ATRNL1: variants seen among roughly 807,000 people sequenced by gnomAD.
ATRNL1 encodes the protein attractin-like protein 1.
ATRNL1 carries 95 observed loss-of-function variants against 182.7 expected under a neutral mutation model. The ratio of observed to expected loss-of-function variants is 0.52; its 90% CI spans 0.44 to 0.62. The LOEUF is 0.62. Ranked by LOEUF, ATRNL1 falls within the 20% of genes least tolerant of loss-of-function variation. The pLI, the probability that ATRNL1 is intolerant of heterozygous loss-of-function variation, is 0.00. For missense variants in ATRNL1, 1,471 were observed against 1,679.5 expected (o/e 0.88, Z 2.17); for synonymous variants, 576 against 568.3 (o/e 1.01, Z -0.19).
chr10:115,401,952 A>T (rs1844584384), intron 20 of ATRNL1, among the ~76,000 whole-genome samples: 1 of 152,198 alleles, frequency 6.6e-6, no homozygotes, highest in African/African-American at 2.4e-5. Flanking sequence ...AGTAGTACTC[A>T]TAATTTGGCA....
chr10:115,457,243 G>C (rs1554968907), intron 21 of ATRNL1, among the ~76,000 whole-genome samples: 1 of 152,026 alleles, frequency 6.6e-6, no homozygotes, highest in South Asian at 2.1e-4. Flanking sequence ...GCTGAGTCTG[G>C]GGTTTTTATG....
intron 26 of ATRNL1, among the ~76,000 whole-genome samples, chr10:115,602,997 C>T (rs367851083): frequency 2.0e-5 from 3 of 152,096 alleles, no homozygotes; most frequent in Admixed American, 1.3e-4. Context: ...AAATGAACAG[C>T]CAGATGAAGA....
chr10:115,565,670 G>A (rs1039894202), intron 26 of ATRNL1, among the ~76,000 whole-genome samples: 1 of 152,010 alleles, frequency 6.6e-6, no homozygotes, highest in Admixed American at 6.6e-5. Context: ...TGGTACAATA[G>A]CATCCAAATT....
chr10:115,736,387 G>A (rs1164156224), intron 27 of ATRNL1, among the ~76,000 whole-genome samples: 1 of 151,908 alleles, frequency 6.6e-6, no homozygotes, highest in Non-Finnish European at 1.5e-5. Flanking sequence ...ATTTATTAAA[G>A]TTCTATTTGG....
At chr10:115,101,779 A>T (rs1843778939) in intron 1 of ATRNL1, among the ~76,000 whole-genome samples, 1 of 152,130 alleles carries the variant, frequency 6.6e-6, no homozygotes, top group African/African-American at 2.4e-5. Flanking sequence ...TTATTTCTTC[A>T]TTAGTGTTTG....
At chr10:115,369,467 A>G (rs1276407731) in intron 19 of ATRNL1, among the ~76,000 whole-genome samples, 1 of 152,172 alleles carries the variant, frequency 6.6e-6, no homozygotes, top group Admixed American at 6.5e-5. Flanking sequence ...TGTAGTATTC[A>G]TCCATTGATG....
intron 27 of ATRNL1, among the ~76,000 whole-genome samples, chr10:115,730,503 C>G (rs974432441): frequency 1.3e-5 from 2 of 151,728 alleles, no homozygotes; most frequent in African/African-American, 4.8e-5. Context: ...TCAGTATTTT[C>G]TCCTTTCTCA....
At chr10:115,683,107 TGATA>T (rs1480298598) in intron 26 of ATRNL1, among the ~76,000 whole-genome samples, 6 of 152,242 alleles carry the variant, frequency 3.9e-5, no homozygotes, top group African/African-American at 1.4e-4. Context: ...TTGTATAAAT[TGATA>T]AAGTTTTTAA....
At chr10:115,237,374 G>C (rs1265691113) in intron 9 of ATRNL1, among the ~76,000 whole-genome samples, 4 of 152,166 alleles carry the variant, frequency 2.6e-5, no homozygotes, top group African/African-American at 9.7e-5. Flanking sequence ...GAGAGTTCCT[G>C]TTGCTCTAGA....
At chr10:115,410,364 T>C (rs2134336471) in intron 20 of ATRNL1, among the ~76,000 whole-genome samples, 1 of 151,996 alleles carries the variant, frequency 6.6e-6, no homozygotes. Flanking sequence ...GCTCTGTCAC[T>C]AGACTGGAGT....
At chr10:115,256,507 T>G (rs1168253763) in intron 10 of ATRNL1, among the ~76,000 whole-genome samples, 2 of 152,188 alleles carry the variant, frequency 1.3e-5, no homozygotes, top group African/African-American at 4.8e-5. Flanking sequence ...TTTTATTGCA[T>G]GTATTTGATT....
At chr10:115,563,148 G>C (rs2133843683) in intron 26 of ATRNL1, among the ~76,000 whole-genome samples, 2 of 152,220 alleles carry the variant, frequency 1.3e-5, no homozygotes, top group South Asian at 4.1e-4. Context: ...CAAGAAGCAT[G>C]GGACCAGTAT....
chr10:115,919,901 A>G (rs115685768), intron 28 of ATRNL1, among the ~76,000 whole-genome samples: 1,863 of 152,240 alleles, frequency 0.012, 50 homozygotes, highest in African/African-American at 0.043. Flanking sequence ...CACAAATCCT[A>G]TTCATGAGGG....
rs75980436 is a variant in ATRNL1 at position 115,829,541 on chromosome 10, A to C, written c.3904-18336A>C. Among the ~76,000 whole-genome samples the C allele has an allele frequency of 1.3e-3, 194 of 150,154 alleles. 6 individuals carry two copies. The East Asian group carries it at 0.034, about 27-fold the overall frequency. The stretch of plus-strand genomic sequence containing the variant: ...AAAAAAAAAAAGTAAAATATTCCTT[A>C]TCTGCAATGCGAGCTGAGCAGCACA... On this transcript the variant is annotated intron_variant, in intron 27 of 28. Coordinates refer to ENST00000355044, the MANE Select transcript of ATRNL1 (RefSeq NM_207303.4).
At chr10:115,536,714 G>A (rs1382318006) in intron 25 of ATRNL1, among the ~76,000 whole-genome samples, 1 of 152,190 alleles carries the variant, frequency 6.6e-6, no homozygotes, top group Non-Finnish European at 1.5e-5. Context: ...CGCTCATGCT[G>A]GGAGCTGCAG....
At chr10:115,540,968 T>C (rs1170092695) in intron 25 of ATRNL1, among the ~76,000 whole-genome samples, 1 of 152,076 alleles carries the variant, frequency 6.6e-6, no homozygotes, top group African/African-American at 2.4e-5. Flanking sequence ...GTAAAAACAA[T>C]GAAATATCTA....
intron 28 of ATRNL1, among the ~76,000 whole-genome samples, chr10:115,914,801 C>T (rs933411278): frequency 1.3e-5 from 2 of 152,168 alleles, no homozygotes; most frequent in Non-Finnish European, 2.9e-5. Flanking sequence ...AGAGGATTCA[C>T]ACTTCTACTG....
intron 10 of ATRNL1, among the ~76,000 whole-genome samples, chr10:115,244,012 T>C (rs1850526681): frequency 6.6e-6 from 1 of 152,148 alleles, no homozygotes; most frequent in Admixed American, 6.5e-5. Context: ...TATTTATACT[T>C]CAACAAATGT....
chr10:115,935,167 T>G (rs1412291483), intron 28 of ATRNL1, among the ~76,000 whole-genome samples: 1 of 152,134 alleles, frequency 6.6e-6, no homozygotes, highest in African/African-American at 2.4e-5. Context: ...CTCTTGAATC[T>G]TTGCCCTAGT....
Sources: allele counts gnomAD v4.1 joint callset (sites outside exome capture counted in the v4.1 genomes callset), GRCh38; gene constraint gnomAD v4.1.1; transcripts MANE v1.5; gene names NCBI Gene and HGNC (gene_info 2026-07-23, HGNC 2026-07-21).